CCDC138: variants seen among roughly 807,000 people sequenced by gnomAD.
The protein encoded by CCDC138 is coiled-coil domain-containing protein 138.
CCDC138 carries 66 observed loss-of-function variants against 82.3 expected under a neutral mutation model. The observed-to-expected ratio is 0.80, with a 90% CI of 0.66 to 0.98. The LOEUF (loss-of-function observed/expected upper bound fraction) is 0.98. Among genes scored for constraint, CCDC138 ranks in the 50% least tolerant of loss-of-function variants. The pLI, the probability that CCDC138 is intolerant of heterozygous loss-of-function variation, is 0.00. For missense variants in CCDC138, 816 were observed against 758.9 expected, an observed-to-expected ratio of 1.08 and a Z score of -0.88; for synonymous variants, 297 against 265.4, an observed-to-expected ratio of 1.12 and a Z score of -1.16.
At chr2:108,873,177 C>T (rs536704237) in intron 13 of CCDC138, among the ~76,000 whole-genome samples, 1 of 152,096 alleles carries the variant, frequency 6.6e-6, no homozygotes, top group Non-Finnish European at 1.5e-5. Flanking sequence ...AAATAGCTTT[C>T]CTCCTTTCTT....
chr2:108,829,311 A>T (rs938122076), intron 10 of CCDC138, among the ~76,000 whole-genome samples: 1 of 152,224 alleles, frequency 6.6e-6, no homozygotes, highest in Non-Finnish European at 1.5e-5. Flanking sequence ...CCCTATTTTT[A>T]AAAAAGCAAG....
chr2:108,788,897 A>T lies in CCDC138; in HGVS notation c.197A>T (p.Lys66Ile). Residue 66 changes from lysine to isoleucine, a missense_variant, in exon 3 of 15, where the codon AAA becomes ATA. Physicochemically the swap from Lys to Ile is moderately radical, Grantham distance 102 (BLOSUM62 -3). Coordinates refer to ENST00000295124, the MANE Select transcript of CCDC138 (RefSeq NM_144978.3). ...GGAGATAAAGTTGGTTCATCGTTAA[A>T]ATATTCTGATGAAAGCAAGCATTGT... ...YSGDKVGSSL[K>I]YSDESKHCRT... 1 of 1,614,184 alleles carries T rather than the reference A, an allele frequency of 6.2e-7. No homozygotes were observed. The highest frequency in any genetic ancestry group is 1.3e-5 in the African/African-American group (1 of 75,078).
rs70956279 is a variant in CCDC138 at position 108,809,796 on chromosome 2, TTTTGTTTGTTTG to T, written c.856-2817_856-2806del. 3.2e-4 allele frequency among the ~76,000 whole-genome samples: 48 copies of T among 150,794 alleles called. 1 individual carries two copies. The South Asian group carries it at 9.4e-3, about 30-fold the overall frequency. On this transcript the variant is annotated intron_variant, in intron 7 of 14. Coordinates refer to ENST00000295124, the MANE Select transcript of CCDC138 (RefSeq NM_144978.3). The stretch of plus-strand genomic sequence containing the variant: ...AAGGACAATTTGACTCATTTCCAAT[TTTTGTTTGTTTG>T]TTTGTTTGTTTGTTTGTGATGGAGT...
chr2:108,834,176 C>T (rs1392704976), intron 10 of CCDC138, among the ~76,000 whole-genome samples: 2 of 148,704 alleles, frequency 1.3e-5, no homozygotes, highest in Admixed American at 1.3e-4. Flanking sequence ...TCTGTTAATG[C>T]TGATCTGTAA....
At chr2:108,823,610 G>T (rs936299132) in intron 10 of CCDC138, among the ~76,000 whole-genome samples, 2 of 152,234 alleles carry the variant, frequency 1.3e-5, no homozygotes, top group Admixed American at 6.5e-5. Flanking sequence ...ATCTTAGGCA[G>T]TTGTAACACA....
chr2:108,824,117 A>T (rs1243172488), intron 10 of CCDC138, among the ~76,000 whole-genome samples: 1 of 152,198 alleles, frequency 6.6e-6, no homozygotes, highest in African/African-American at 2.4e-5. Context: ...TGCAGGCTAC[A>T]GTAAATTTTA....
chr2:108,877,951 A>T (rs1029209711), downstream of CCDC138, among the ~76,000 whole-genome samples: 1 of 152,232 alleles, frequency 6.6e-6, no homozygotes, highest in Admixed American at 6.5e-5. Flanking sequence ...GCTCTACAGG[A>T]GAAGATTTTT....
chr2:108,885,197 C>T (rs993727354), exon 3 of CCDC138: 2 of 152,160 alleles, frequency 1.3e-5, no homozygotes, highest in Non-Finnish European at 2.9e-5. Context: ...TTTCATATTG[C>T]TTTTGCAGAA....
At position 108,788,096 on chromosome 2, in the gene CCDC138, C is replaced by G. The variant is rs758886949; in HGVS notation, c.151+7C>G. The G allele has an allele frequency of 6.2e-7, 1 of 1,601,572 alleles. No homozygotes were observed. The highest frequency in any genetic ancestry group is 1.4e-5 in the African/African-American group (1 of 73,754). On this transcript the variant is annotated splice_region_variant and intron_variant, in intron 2 of 14. Coordinates refer to ENST00000295124, the MANE Select transcript of CCDC138 (RefSeq NM_144978.3). ...AGAACTCTAACCTCCCCAGGTAAGC[C>G]GGTATTTTGTATATTTGGGGGTTTC...
In CCDC138 at chr2:108,819,257, T is replaced by C. The variant is rs112584331; in HGVS notation, c.1206+3152T>C. Among the ~76,000 whole-genome samples the C allele has an allele frequency of 4.1e-3, 624 of 152,304 alleles. 7 individuals are homozygous for C. The highest frequency in any genetic ancestry group is 0.015 in the African/African-American group (604 of 41,576). On this transcript the variant is annotated intron_variant, in intron 10 of 14. Transcript: ENST00000295124. ...CCTTCAAAAGGAGTGGAAAAGTTTGTGGCATTTTGCATGTGTGTTCCCCTG... is the reference window on the plus strand; with the variant it reads ...CCTTCAAAAGGAGTGGAAAAGTTTGCGGCATTTTGCATGTGTGTTCCCCTG...
chr2:108,843,395 T>G (rs996222762), intron 11 of CCDC138, among the ~76,000 whole-genome samples: 3 of 152,164 alleles, frequency 2.0e-5, no homozygotes, highest in Non-Finnish European at 4.4e-5. Flanking sequence ...TGACCTCAAG[T>G]GATCCACCTG....
At chr2:108,864,812 T>A (rs1286373710) in intron 13 of CCDC138, among the ~76,000 whole-genome samples, 2 of 109,536 alleles carry the variant, frequency 1.8e-5, no homozygotes, top group African/African-American at 3.1e-5. Context: ...AAAAAAAAAA[T>A]TAGCTTGGCA....
downstream of CCDC138, among the ~76,000 whole-genome samples, chr2:108,877,704 G>A (rs746151866): frequency 3.3e-5 from 5 of 152,020 alleles, no homozygotes; most frequent in East Asian, 1.9e-4. Context: ...CAAGTGGAGC[G>A]GAAGCAATAT....
intron 10 of CCDC138, among the ~76,000 whole-genome samples, chr2:108,826,104 T>G (rs1195196750): frequency 2.6e-5 from 4 of 152,186 alleles, no homozygotes; most frequent in Admixed American, 2.6e-4. Context: ...TTGAGTTATC[T>G]TTTTTATTAC....
chr2:108,880,937 A>G (rs1696272586), downstream of CCDC138, among the ~76,000 whole-genome samples: 1 of 152,238 alleles, frequency 6.6e-6, no homozygotes, highest in Non-Finnish European at 1.5e-5. Context: ...TATACTTTAT[A>G]ATTCATGAGA....
At chr2:108,821,606 A>T (rs939578051) in intron 10 of CCDC138, among the ~76,000 whole-genome samples, 1 of 152,190 alleles carries the variant, frequency 6.6e-6, no homozygotes, top group Non-Finnish European at 1.5e-5. Flanking sequence ...GGAGGGACAA[A>T]AAAGCTACAA....
chr2:108,861,673 G>A (rs963945728), intron 13 of CCDC138, among the ~76,000 whole-genome samples: 4 of 151,858 alleles, frequency 2.6e-5, no homozygotes, highest in African/African-American at 9.7e-5. Flanking sequence ...TAGAGACAGG[G>A]TTTCACCATA....
intron 12 of CCDC138, among the ~76,000 whole-genome samples, chr2:108,847,157 C>T (rs1558724810): frequency 6.6e-6 from 1 of 152,276 alleles, no homozygotes; most frequent in East Asian, 1.9e-4. Context: ...TGTCTTAGGT[C>T]ATATTCCCAT....
At chr2:108,795,117 A>G (rs1386998328) in intron 5 of CCDC138, among the ~76,000 whole-genome samples, 3 of 130,746 alleles carry the variant, frequency 2.3e-5, no homozygotes, top group African/African-American at 8.5e-5. Context: ...TTTGCTTATT[A>G]TCTGCCTTTC....
Sources: gnomAD v4.1 joint callset for allele counts (sites outside exome capture counted in the v4.1 genomes callset) on GRCh38, gnomAD v4.1.1 for gene constraint, MANE v1.5 for transcripts, NCBI Gene and HGNC (gene_info 2026-07-23, HGNC 2026-07-21) for gene names.